The following ASPG variants were observed in gnomAD, a reference collection of about 807,000 sequenced individuals.
The protein encoded by ASPG is 60 kDa lysophospholipase.
ASPG carries 53 observed loss-of-function variants against 63.2 expected under a neutral mutation model. The ratio of observed to expected loss-of-function variants is 0.84; its 90% CI spans 0.67 to 1.05. ASPG has a LOEUF of 1.05. ASPG is among the 50% of genes least tolerant of loss of function. The pLI is 0.00. For missense variants in ASPG, 741 were observed against 794.4 expected (o/e 0.93, Z 0.81); for synonymous variants, 370 against 355.0 (o/e 1.04, Z -0.48).
rs567455515 is a variant in ASPG at position 104,093,601 on chromosome 14, A to G, written c.302A>G (p.Lys101Arg). Residue 101 changes from lysine to arginine, a missense_variant and splice_region_variant, in exon 3 of 16, where the codon AAG (lysine) becomes AGG (arginine). Physicochemically the swap from Lys to Arg is conservative, Grantham distance 26. Coordinates refer to ENST00000551177, the MANE Select transcript of ASPG (RefSeq NM_001080464.3). ...AEWVCLAQTI[K>R]RHYEQYHGFV... ...TGGGTTTGCCTTGCCCAGACCATCA[A>G]GGTAGTGGGGCTGGGGAATGCTGGG... 2.0e-5 allele frequency: 31 copies of G among 1,525,350 alleles called. No homozygotes were observed. The highest frequency in any genetic ancestry group is 1.4e-4 in the East Asian group (6 of 41,880). 94.5% of individuals were successfully genotyped at this position (1,525,350 alleles called of 1,614,324 possible).
Position 104,097,545 on chromosome 14 carries a change from C to G in ASPG, c.430-9C>G, listed in dbSNP as rs370938000. On this transcript the variant is annotated splice_polypyrimidine_tract_variant and intron_variant, in intron 4 of 15. Transcript: ENST00000551177. ...CCAGGCCTCAGCTACTCCGTGGCCT[C>G]TCCCCCAGGTGCCCATCCATGCCCT... The G allele has an allele frequency of 1.9e-6, 3 of 1,550,968 alleles. No individual in the cohort carries two copies. Among genetic ancestry groups the G allele is most frequent in the Non-Finnish European group, 2.6e-6 (3 of 1,147,484 alleles).
intron 6 of ASPG, 110 bp from the exon 7 acceptor site, chr14:104,103,453 G>A (rs2036971675): frequency 2.1e-6 from 2 of 936,708 alleles, no homozygotes; most frequent in East Asian, 2.7e-5. Context: ...GAAGGCTCAG[G>A]GCTCTGAAAA....
intron 12 of ASPG, 143 bp downstream of exon 12, chr14:104,107,488 G>A (rs1273372236): frequency 2.4e-6 from 2 of 843,196 alleles, no homozygotes; most frequent in African/African-American, 3.5e-5. Flanking sequence ...CCGCAGCCCG[G>A]GGCCCAGTAA....
chr14:104,092,580 C>T (rs1056553743), intron 1 of ASPG, 53 bp from the exon 2 acceptor site: 50 of 1,420,334 alleles, frequency 3.5e-5, no homozygotes, highest in African/African-American at 1.4e-4. Context: ...AGGGAGGAGG[C>T]GGCCATGGCT....
At chr14:104,107,389 C>T (rs764394765) in intron 12 of ASPG, 44 bp downstream of exon 12, 42 of 1,370,004 alleles carry the variant, frequency 3.1e-5, no homozygotes, top group African/African-American at 4.4e-5. Flanking sequence ...GACAGGTGGG[C>T]GCAGAGAGGC....
chr14:104,112,080 A>C (rs1173059953), intron 15 of ASPG, 80 bp downstream of exon 15: 5 of 1,341,122 alleles, frequency 3.7e-6, no homozygotes, highest in Non-Finnish European at 4.1e-6. Context: ...GGGGGGGCGT[A>C]ATCAAGGGGA....
intron 1 of ASPG, among the ~76,000 whole-genome samples, chr14:104,089,199 TA>T (rs1427208983): frequency 2.6e-5 from 4 of 152,070 alleles, no homozygotes; most frequent in African/African-American, 9.7e-5. Flanking sequence ...AGCTGGTGTT[TA>T]TTTAAAATAA....
intron 1 of ASPG, among the ~76,000 whole-genome samples, chr14:104,089,944 C>T (rs2140976619): frequency 1.7e-5 from 1 of 57,196 alleles, no homozygotes; most frequent in African/African-American, 7.5e-5. Context: ...TGAGACTCTG[C>T]CTCAAAAAAA....
At chr14:104,108,289 C>A in intron 12 of ASPG, 1 of 453,926 alleles carries the variant, frequency 2.2e-6, no homozygotes, top group Non-Finnish European at 2.9e-6. Context: ...CCGAGCAGGG[C>A]TGGGGTGATC....
chr14:104,095,545 G>A lies in ASPG; in HGVS notation c.318G>A (p.Gln106=), dbSNP rs1324708368. 6.2e-7 allele frequency: 1 copy of A among 1,613,028 alleles called. No homozygotes were observed. The highest frequency in any genetic ancestry group is 2.2e-5 in the East Asian group (1 of 44,876). Residue 106 remains glutamine (Q), a synonymous_variant, in exon 4 of 16, where the codon CAG becomes CAA. Transcript: ENST00000551177. ...CCCTCCTGCAGAGGCACTACGAGCA[G>A]TACCACGGCTTTGTGGTCATCCACG... ...LAQTIKRHYE[Q]YHGFVVIHGT... is the part of the protein sequence containing the mutation.
intron 5 of ASPG, among the ~76,000 whole-genome samples, chr14:104,097,971 G>GTGTTAGAGATGCGTATGGAGGTTATA (rs1293890806): frequency 1.5e-5 from 1 of 66,992 alleles, no homozygotes; most frequent in Admixed American, 1.7e-4. Flanking sequence ...TGGAGGTTCT[G>GTGTTAGAGATGCGTATGGAGGTTATA]CGTTAGAGAT....
chr14:104,087,204 G>A (rs913729517), intron 1 of ASPG, among the ~76,000 whole-genome samples: 2 of 152,184 alleles, frequency 1.3e-5, no homozygotes, highest in Non-Finnish European at 2.9e-5. Flanking sequence ...TGTCCAGGCT[G>A]CCGGGAGCCT....
chr14:104,104,519 G>A (rs1307646129), intron 8 of ASPG, 33 bp downstream of exon 8: 1 of 1,604,598 alleles, frequency 6.2e-7, no homozygotes, highest in East Asian at 2.2e-5. Flanking sequence ...TAGCGGGGAA[G>A]GGGACAGCCT....
intron 6 of ASPG, among the ~76,000 whole-genome samples, chr14:104,102,499 C>T (rs2141024690): frequency 6.6e-6 from 1 of 152,284 alleles, no homozygotes; most frequent in East Asian, 1.9e-4. Flanking sequence ...CTTCCCCACC[C>T]CTGGGCCTCG....
In ASPG at chr14:104,112,565, G is replaced by T; in HGVS notation, c.*21G>T. 1 of 1,609,424 alleles carries T rather than the reference G, an allele frequency of 6.2e-7. No individual in the cohort carries two copies. ...TCTAACCTGAAGGCGTCCTGCTGCA[G>T]TATAAGCCATTCCTTCCTCCCATGA... On this transcript the variant is annotated 3_prime_UTR_variant, in exon 16 of 16. Transcript: ENST00000551177.
rs2141054522 is a variant in ASPG at position 104,109,071 on chromosome 14, T to C, written c.1434-158T>C. On this transcript the variant is annotated intron_variant, in intron 12 of 15. Transcript: ENST00000551177. This position sits in a 1 kb window ranked among gnomAD's most constrained non-coding sequence, Gnocchi z 4.8. ...ATGTCACATGGGCCTAGGCAGAGGA[T>C]GGGGGGATGGGCCCTTGTCTGAGGC... is the stretch of plus-strand genomic sequence containing the variant. The C allele has an allele frequency of 1.0e-6, 1 of 984,982 alleles. No homozygotes were observed. The highest frequency in any genetic ancestry group is 1.2e-6 in the Non-Finnish European group (1 of 829,816). 61.0% of individuals were successfully genotyped at this position (984,982 alleles called of 1,614,324 possible).
At chr14:104,089,407 T>G (rs1882719118) in intron 1 of ASPG, among the ~76,000 whole-genome samples, 1 of 151,760 alleles carries the variant, frequency 6.6e-6, no homozygotes, top group South Asian at 2.1e-4. Context: ...TGGTCCCAGC[T>G]ACTGGGGAGG....
chr14:104,106,648 A>C (rs2037142029), intron 10 of ASPG, 151 bp from the exon 11 acceptor site: 1 of 689,430 alleles, frequency 1.5e-6, no homozygotes, highest in Admixed American at 2.7e-5. Context: ...AGGCCTTCCG[A>C]TGTGGCAGCT....
intron 4 of ASPG, among the ~76,000 whole-genome samples, chr14:104,096,577 C>A (rs1383957467): frequency 1.3e-5 from 2 of 152,174 alleles, no homozygotes; most frequent in Admixed American, 1.3e-4. Context: ...TTCTCCTCTT[C>A]CCAGACCTTC....
Sources: gnomAD v4.1 joint callset for allele counts (sites outside exome capture counted in the v4.1 genomes callset) on GRCh38, gnomAD v4.1.1 for gene constraint, Gnocchi (gnomAD v3.1) non-coding constraint, MANE v1.5 for transcripts, NCBI Gene and HGNC (gene_info 2026-07-23, HGNC 2026-07-21) for gene names.